Variants in ADAMTS6 observed in about 807,000 individuals in gnomAD.
ADAMTS6 encodes ADAM metallopeptidase with thrombospondin type 1 motif 6.
A neutral mutation model predicts 144.3 loss-of-function variants in ADAMTS6; 23 were observed. The ratio of observed to expected loss-of-function variants is 0.16; its 90% confidence interval spans 0.11 to 0.23. ADAMTS6 has a LOEUF of 0.23. Ranked by LOEUF, ADAMTS6 falls within the 10% of genes least tolerant of loss-of-function variation. The pLI is 1.00. For missense variants in ADAMTS6, 999 were observed against 1,379.6 expected (o/e 0.72, Z 4.37); for synonymous variants, 444 against 457.5 (o/e 0.97, Z 0.38).
At chr5:65,410,390 C>A (rs981629926) in intron 7 of ADAMTS6, among the ~76,000 whole-genome samples, 6 of 152,104 alleles carry the variant, frequency 3.9e-5, no homozygotes. Context: ...AGTTAGCATT[C>A]TTTCTTTAAT....
chr5:65,356,114 T>G (rs1033030312), intron 7 of ADAMTS6, among the ~76,000 whole-genome samples: 2 of 151,832 alleles, frequency 1.3e-5, no homozygotes, highest in Non-Finnish European at 3.0e-5. Context: ...TTAGACTACA[T>G]TTAAATGACT....
chr5:65,331,029 T>C (rs1746669327), intron 8 of ADAMTS6, among the ~76,000 whole-genome samples: 1 of 152,030 alleles, frequency 6.6e-6, no homozygotes. Flanking sequence ...TACTTTTATT[T>C]TGAGAAAAAT....
intron 13 of ADAMTS6, among the ~76,000 whole-genome samples, chr5:65,261,575 T>C (rs562800509): frequency 4.7e-4 from 72 of 152,324 alleles, no homozygotes; most frequent in East Asian, 1.3e-3. Context: ...CTGGTATCAA[T>C]GGGATCATTA....
chr5:65,383,153 T>C (rs1752184729), intron 7 of ADAMTS6, among the ~76,000 whole-genome samples: 1 of 152,172 alleles, frequency 6.6e-6, no homozygotes, highest in Non-Finnish European at 1.5e-5. Flanking sequence ...GGAGGACATA[T>C]ATATCCATAA....
chr5:65,425,235 C>A (rs886978204), intron 7 of ADAMTS6, among the ~76,000 whole-genome samples: 5 of 152,290 alleles, frequency 3.3e-5, no homozygotes, highest in Admixed American at 2.6e-4. Flanking sequence ...GCCACGTTGG[C>A]AAGGCTGGTC....
intron 7 of ADAMTS6, among the ~76,000 whole-genome samples, chr5:65,358,344 G>A (rs1234930782): frequency 2.6e-5 from 4 of 151,862 alleles, no homozygotes; most frequent in Non-Finnish European, 2.9e-5. Flanking sequence ...TATATGACAA[G>A]CCCACAGGTA....
chr5:65,286,876 T>C (rs1741721881), intron 11 of ADAMTS6, among the ~76,000 whole-genome samples: 1 of 152,208 alleles, frequency 6.6e-6, no homozygotes, highest in South Asian at 2.1e-4. Flanking sequence ...CAGTATGCTT[T>C]TTGATAATTC....
chr5:65,479,716 T>A (rs890382078), intron 1 of ADAMTS6, among the ~76,000 whole-genome samples: 14 of 152,184 alleles, frequency 9.2e-5, no homozygotes, highest in African/African-American at 3.4e-4. Flanking sequence ...TAGTGATTAC[T>A]AAGGAAAGAA....
At chr5:65,456,336 T>C (rs1250227011) in intron 4 of ADAMTS6, among the ~76,000 whole-genome samples, 1 of 152,188 alleles carries the variant, frequency 6.6e-6, no homozygotes, top group Non-Finnish European at 1.5e-5. Context: ...TTAGGAAACA[T>C]TGCTCATAAA....
chr5:65,252,089 CAA>C lies in ADAMTS6; in HGVS notation c.1830+8509_1830+8510del, dbSNP rs1760213590. On this transcript the variant is annotated intron_variant, in intron 14 of 24. Coordinates refer to ENST00000381055, the MANE Select transcript of ADAMTS6 (RefSeq NM_197941.4). ...GTCCTAATTTCTCCATTAACCTAAG[CAA>C]AAAAGAGTCCTATAAGCCTTGTATG... is the stretch of plus-strand genomic sequence containing the variant. Among the ~76,000 whole-genome samples the C allele has an allele frequency of 2.0e-5, 3 of 152,054 alleles. No homozygotes were observed. The South Asian group carries it at 6.2e-4, about 32-fold the overall frequency.
At chr5:65,280,702 A>C (rs1411965633) in intron 11 of ADAMTS6, among the ~76,000 whole-genome samples, 2 of 152,184 alleles carry the variant, frequency 1.3e-5, no homozygotes, top group African/African-American at 4.8e-5. Context: ...TGAGTTTATT[A>C]GTTTTATTTT....
chr5:65,164,026 A>C, intron 24 of ADAMTS6, among the ~76,000 whole-genome samples: 1 of 152,256 alleles, frequency 6.6e-6, no homozygotes, highest in Middle Eastern at 3.4e-3. Flanking sequence ...GAGGGGGAGG[A>C]GCCAAGATGG....
chr5:65,380,708 T>C (rs960665719), intron 7 of ADAMTS6, among the ~76,000 whole-genome samples: 2 of 152,244 alleles, frequency 1.3e-5, no homozygotes, highest in African/African-American at 2.4e-5. Context: ...AATAACTGTA[T>C]TGGCCACAGA....
chr5:65,253,464 A>C (rs1297824828), intron 14 of ADAMTS6, among the ~76,000 whole-genome samples: 5 of 152,182 alleles, frequency 3.3e-5, no homozygotes, highest in African/African-American at 1.2e-4. Flanking sequence ...CTAGTCCTTG[A>C]CTGTCAAATT....
At chr5:65,357,913 C>T (rs1454786555) in intron 7 of ADAMTS6, among the ~76,000 whole-genome samples, 1 of 151,850 alleles carries the variant, frequency 6.6e-6, no homozygotes, top group Non-Finnish European at 1.5e-5. Context: ...TATCTAAAGG[C>T]TTTACATCAA....
rs544690009 is a variant in ADAMTS6 at position 65,173,038 on chromosome 5, C to T, written c.2911-30G>A. 376 of 1,602,096 alleles carry T rather than the reference C, an allele frequency of 2.3e-4. 2 individuals are homozygous for T. In the South Asian group the frequency reaches 3.8e-3, roughly 16 times the overall value. On this transcript the variant is annotated intron_variant, in intron 22 of 24. Coordinates refer to ENST00000381055, the MANE Select transcript of ADAMTS6 (RefSeq NM_197941.4). ...AAATAAAACAAATAGTAATGAATCACGACAGTTTAAAGACAGAGGAAAATT... is the reference window on the plus strand; with the variant it reads ...AAATAAAACAAATAGTAATGAATCATGACAGTTTAAAGACAGAGGAAAATT...
chr5:65,320,710 C>A (rs1253614900), intron 9 of ADAMTS6, among the ~76,000 whole-genome samples: 1 of 152,058 alleles, frequency 6.6e-6, no homozygotes, highest in Non-Finnish European at 1.5e-5. Context: ...CACTCTCTAC[C>A]CTCCAAAAGG....
intron 1 of ADAMTS6, among the ~76,000 whole-genome samples, 169 bp downstream of exon 1, chr5:65,481,174 T>C (rs954792465): frequency 1.4e-5 from 2 of 147,542 alleles, no homozygotes; most frequent in Non-Finnish European, 3.0e-5. Flanking sequence ...TAAAAAGATA[T>C]CTATTTGTAA....
chr5:65,467,039 C>CA (rs35854972), intron 3 of ADAMTS6, among the ~76,000 whole-genome samples: 24,181 of 108,976 alleles, frequency 0.22, 3,731 homozygotes, highest in African/African-American at 0.48. Flanking sequence ...GACTCCGTCT[C>CA]AAAAAAAAAA....
Sources: allele counts gnomAD v4.1 joint callset (sites outside exome capture counted in the v4.1 genomes callset), GRCh38; gene constraint gnomAD v4.1.1; transcripts MANE v1.5; gene names NCBI Gene and HGNC (gene_info 2026-07-23, HGNC 2026-07-21).